Variants in PCDH15 observed in about 807,000 individuals in gnomAD.
The protein encoded by PCDH15 is protocadherin related 15.
A neutral mutation model predicts 178.5 loss-of-function variants in PCDH15; 129 were observed. That is an observed-to-expected ratio of 0.72 (90% CI 0.63 to 0.84). The LOEUF (loss-of-function observed/expected upper bound fraction) is 0.84, where lower values mean the gene tolerates loss of function less well. Among genes scored for constraint, PCDH15 ranks in the 40% least tolerant of loss-of-function variants. The probability of loss-of-function intolerance (pLI) is 0.00; values close to 1 mark genes in which losing one functional copy is unlikely to be tolerated. For missense variants in PCDH15, 2,230 were observed against 2,099.9 expected (o/e 1.06, Z -1.21); for synonymous variants, 800 against 732.0 (o/e 1.09, Z -1.50).
chr10:54,058,658 G>A (rs2093950308), intron 18 of PCDH15, among the ~76,000 whole-genome samples: 1 of 151,296 alleles, frequency 6.6e-6, no homozygotes, highest in Admixed American at 6.6e-5. Flanking sequence ...AACCATATCT[G>A]CTATCTAACA....
chr10:54,738,303 G>A, intron 1 of PCDH15, among the ~76,000 whole-genome samples: 1 of 152,080 alleles, frequency 6.6e-6, no homozygotes, highest in Non-Finnish European at 1.5e-5. Flanking sequence ...AATGGGGCAA[G>A]TGTGTAAACA....
chr10:53,897,959 C>CTTTTTTT (rs66513139), intron 26 of PCDH15, among the ~76,000 whole-genome samples: 15 of 82,402 alleles, frequency 1.8e-4, no homozygotes, highest in African/African-American at 2.2e-4. Context: ...TTTCTTTTCC[C>CTTTTTTT]TTTTTTTTTT....
chr10:54,349,384 G>A (rs1943827771), intron 5 of PCDH15, among the ~76,000 whole-genome samples: 1 of 152,136 alleles, frequency 6.6e-6, no homozygotes, highest in African/African-American at 2.4e-5. Flanking sequence ...ACAGAAATTT[G>A]TTGGAATAGA....
At chr10:53,908,878 G>T (rs139956792) in intron 25 of PCDH15, among the ~76,000 whole-genome samples, 2 of 152,152 alleles carry the variant, frequency 1.3e-5, no homozygotes, top group African/African-American at 2.4e-5. Context: ...TTGTTAATTT[G>T]TTGGTATCAG....
chr10:54,762,505 C>A (rs1948012857), intron 1 of PCDH15, among the ~76,000 whole-genome samples: 1 of 152,000 alleles, frequency 6.6e-6, no homozygotes, highest in South Asian at 2.1e-4. Flanking sequence ...TCAGTAAAAC[C>A]AAATGAAACA....
rs138468345 is a variant in PCDH15, at chr10:54,122,458, G to T, written c.1917+10417C>A. Among the ~76,000 whole-genome samples the T allele has an allele frequency of 5.2e-3, 792 of 152,064 alleles. 12 individuals are homozygous for T. Among genetic ancestry groups the T allele is most frequent in the African/African-American group, 0.018 (762 of 41,482 alleles). ...AGCATTCCTCTTGGAAGTGGATCAAGACAGAGAGATCTTGTCTCACCACTC... is the reference window on the plus strand; with the variant it reads ...AGCATTCCTCTTGGAAGTGGATCAATACAGAGAGATCTTGTCTCACCACTC... On this transcript the variant is annotated intron_variant, in intron 15 of 37. Transcript: ENST00000644397.
chr10:55,241,444 C>G (rs940889247), intron 1 of PCDH15, among the ~76,000 whole-genome samples: 6 of 152,120 alleles, frequency 3.9e-5, no homozygotes, highest in African/African-American at 1.4e-4. Context: ...CCTTTCTTTT[C>G]TTTCTCACTC....
At chr10:55,066,161 CT>C (rs199638996) in intron 2 of PCDH15, among the ~76,000 whole-genome samples, 4 of 150,936 alleles carry the variant, frequency 2.7e-5, no homozygotes, top group Non-Finnish European at 4.4e-5. Context: ...TTTCTTAAAA[CT>C]TTTTTTTTCT....
chr10:54,944,683 G>A (rs1838149736), intron 2 of PCDH15, among the ~76,000 whole-genome samples: 2 of 151,878 alleles, frequency 1.3e-5, no homozygotes, highest in Non-Finnish European at 1.5e-5. Flanking sequence ...CTCTCAGGTT[G>A]TTATATGAGC....
chr10:54,166,140 G>A (rs756883192), intron 13 of PCDH15, among the ~76,000 whole-genome samples: 14 of 152,218 alleles, frequency 9.2e-5, no homozygotes, highest in South Asian at 4.2e-4. Context: ...GCCTTTGGCC[G>A]TATCATTTCA....
intron 1 of PCDH15, among the ~76,000 whole-genome samples, chr10:54,713,038 T>A (rs990212519): frequency 2.6e-5 from 4 of 152,076 alleles, no homozygotes; most frequent in African/African-American, 9.7e-5. Flanking sequence ...CTTTATGCCA[T>A]AGGTAATGGG....
At chr10:54,858,597 C>G (rs1160612771) in intron 3 of PCDH15, among the ~76,000 whole-genome samples, 3 of 151,940 alleles carry the variant, frequency 2.0e-5, no homozygotes, top group African/African-American at 7.3e-5. Flanking sequence ...CTTTGTTAGT[C>G]AGAATGCTAC....
rs192339220 is a variant in PCDH15 at position 54,445,115 on chromosome 10, G to A, written c.158-66173C>T. 2.2e-3 allele frequency among the ~76,000 whole-genome samples: 329 copies of A among 151,238 alleles called. 1 individual carries two copies. Among genetic ancestry groups the A allele is most frequent in the African/African-American group, 7.6e-3 (313 of 41,362 alleles). On this transcript the variant is annotated intron_variant, in intron 3 of 37. Coordinates refer to ENST00000644397, the MANE Select transcript of PCDH15 (RefSeq NM_001384140.1). ...ATATGTCATGAGGATTCTCACCCCAGTGTTCTGCTCCTCTGAGTCAAAGCC... is the reference window on the plus strand; with the variant it reads ...ATATGTCATGAGGATTCTCACCCCAATGTTCTGCTCCTCTGAGTCAAAGCC...
chr10:55,121,609 A>C (rs1591919018), intron 2 of PCDH15, among the ~76,000 whole-genome samples: 2 of 152,094 alleles, frequency 1.3e-5, no homozygotes, highest in East Asian at 3.9e-4. Context: ...CCCCAATGTG[A>C]TAGTATTAAG....
At chr10:53,908,566 T>G (rs112059161) in intron 25 of PCDH15, among the ~76,000 whole-genome samples, 178 of 152,340 alleles carry the variant, frequency 1.2e-3, no homozygotes, top group African/African-American at 4.0e-3. Context: ...CCTGACATTC[T>G]CTCCATCTAA....
chr10:54,887,189 C>T (rs1034581944), intron 3 of PCDH15, among the ~76,000 whole-genome samples: 2 of 152,152 alleles, frequency 1.3e-5, no homozygotes, highest in African/African-American at 2.4e-5. Context: ...TCTGTTGAAA[C>T]ATCTAAAATT....
At chr10:55,468,281 T>C (rs1239079339) in intron 2 of PCDH15, 1 of 152,132 alleles carries the variant, frequency 6.6e-6, no homozygotes, top group East Asian at 1.9e-4. Context: ...GTTGTCGTTG[T>C]TGTTAGGGCA....
At chr10:54,176,492 TAAG>T (rs1172276534) in intron 13 of PCDH15, among the ~76,000 whole-genome samples, 1 of 152,098 alleles carries the variant, frequency 6.6e-6, no homozygotes, top group African/African-American at 2.4e-5. Context: ...AGTTACAGAA[TAAG>T]AAGAATATTC....
intron 3 of PCDH15, among the ~76,000 whole-genome samples, chr10:54,864,140 T>C (rs146467277): frequency 5.3e-5 from 8 of 152,278 alleles, no homozygotes; most frequent in Non-Finnish European, 1.2e-4. Context: ...AAATGGCTTA[T>C]CTGTGATATT....
Sources: allele counts gnomAD v4.1 joint callset (sites outside exome capture counted in the v4.1 genomes callset), GRCh38; gene constraint gnomAD v4.1.1; transcripts MANE v1.5; gene names NCBI Gene and HGNC (gene_info 2026-07-23, HGNC 2026-07-21).